CERK: variants seen among roughly 807,000 people sequenced by gnomAD.
The protein encoded by CERK is acylsphingosine kinase.
A neutral mutation model predicts 63.4 loss-of-function variants in CERK; 39 were observed. The ratio of observed to expected loss-of-function variants is 0.61; its 90% CI spans 0.48 to 0.80. The LOEUF (loss-of-function observed/expected upper bound fraction) is 0.80. Among genes scored for constraint, CERK ranks in the 30% least tolerant of loss-of-function variants. The probability of loss-of-function intolerance (pLI) is 0.00; values close to 1 mark genes in which losing one functional copy is unlikely to be tolerated. For missense variants in CERK, 670 were observed against 714.1 expected, an observed-to-expected ratio of 0.94 and a Z score of 0.70; for synonymous variants, 302 against 280.0, an observed-to-expected ratio of 1.08 and a Z score of -0.78.
chr22:46,712,512 T>C (rs2082846529), intron 3 of CERK, among the ~76,000 whole-genome samples: 1 of 152,170 alleles, frequency 6.6e-6, no homozygotes, highest in Admixed American at 6.5e-5. Context: ...TATACACACA[T>C]GTCGGACATC....
intron 6 of CERK, among the ~76,000 whole-genome samples, chr22:46,704,941 A>T (rs2082805937): frequency 6.6e-6 from 1 of 152,238 alleles, no homozygotes; most frequent in Non-Finnish European, 1.5e-5. Flanking sequence ...AGGACCTGTG[A>T]AAAGCAGTGT....
rs1344810424 is a variant in CERK, at chr22:46,690,126, G to C, written c.1407C>G (p.Asp469Glu). Residue 469 changes from aspartate (D) to glutamate (E), a missense_variant, in exon 12 of 13, where the codon GAC becomes GAG. By Grantham distance (45) the Asp-to-Glu change is conservative. Transcript: ENST00000216264. ...QFTSKHMEDE[D>E]SDLKEGGKKR... ...TCTTCCCCCCCTCCTTGAGGTCGCT[G>C]TCCTCATCCTCCATGTGCTTCGACG... 1 of 1,613,950 alleles carries C rather than the reference G, an allele frequency of 6.2e-7. No individual in the cohort carries two copies. The highest frequency in any genetic ancestry group is 1.3e-5 in the African/African-American group (1 of 74,888).
rs1305100396 is a variant in CERK at position 46,686,441 on chromosome 22, TATC to T, written c.*690_*692del. 2.0e-5 allele frequency: 3 copies of T among 152,390 alleles called. No homozygotes were observed. The highest frequency in any genetic ancestry group is 2.9e-5 in the Non-Finnish European group (2 of 68,186). 9.4% of individuals were successfully genotyped at this position (152,390 alleles called of 1,614,324 possible). A position where few individuals can be genotyped will look rare whatever the true frequency, so the allele number is the denominator to read the frequency against. ...TTACACACTGCCAGCTTCCAGAGCT[TATC>T]ATCCGTGCTCCCAGAACAGACGCCA... On this transcript the variant is annotated 3_prime_UTR_variant, in exon 13 of 13. Transcript: ENST00000216264.
rs1322880371 is a variant in CERK at position 46,720,066 on chromosome 22, C to T, written c.379+20G>A. The stretch of plus-strand genomic sequence containing the variant: ...ATGCCACCACGGCCATCCTGTCTCT[C>T]AGTCCAAACACACACGTACTCAGCT... On this transcript the variant is annotated intron_variant, in intron 3 of 12. Transcript: ENST00000216264. 1 of 1,608,990 alleles carries T rather than the reference C, an allele frequency of 6.2e-7. No individual in the cohort carries two copies. Among genetic ancestry groups the T allele is most frequent in the Non-Finnish European group, 8.5e-7 (1 of 1,177,090 alleles).
At chr22:46,710,060 T>A (rs1377834492) in intron 5 of CERK, among the ~76,000 whole-genome samples, 1 of 152,198 alleles carries the variant, frequency 6.6e-6, no homozygotes, top group Non-Finnish European at 1.5e-5. Context: ...CTTTCACATG[T>A]CAAATTAGCA....
In CERK at chr22:46,695,351, A is replaced by G. The variant is rs1218108889; in HGVS notation, c.944-36T>C. Reference sequence around the variant, plus strand: ...AGTGCAGTGAAGAAAAAACATCCACAAGGGTCATTGCTTGGTTAGGATGCT... The same window carrying G: ...AGTGCAGTGAAGAAAAAACATCCACGAGGGTCATTGCTTGGTTAGGATGCT... On this transcript the variant is annotated intron_variant, in intron 8 of 12. Transcript: ENST00000216264. 3 of 1,185,454 alleles carry G rather than the reference A, an allele frequency of 2.5e-6. No homozygotes were observed. The Admixed American group carries it at 5.0e-5, about 20-fold the overall frequency. 73.4% of individuals were successfully genotyped at this position (1,185,454 alleles called of 1,614,324 possible). A position where few individuals can be genotyped will look rare whatever the true frequency, so the allele number is the denominator to read the frequency against.
intron 1 of CERK, among the ~76,000 whole-genome samples, chr22:46,734,145 C>T (rs2082960509): frequency 6.6e-6 from 1 of 151,556 alleles, no homozygotes; most frequent in Non-Finnish European, 1.5e-5. Flanking sequence ...GGAGCAAAAG[C>T]ATAGCCCCTA....
Position 46,738,067 on chromosome 22 carries a change from CG to C in CERK, c.81del (p.Ala28ArgfsTer62). ...KQQRCAVSLE[P>X]ARALLRWWRS... ...CGCCACCAGCGCAGCAGAGCCCGCG[CG>C]GGCTCCAGGCTCACGGCGCAGCGCT... On this transcript the variant is annotated frameshift_variant, in exon 1 of 13. Transcript: ENST00000216264. LOFTEE classifies it high-confidence loss of function. The C allele has an allele frequency of 7.9e-7, 1 of 1,260,364 alleles. No homozygotes were observed. The highest frequency in any genetic ancestry group is 1.0e-6 in the Non-Finnish European group (1 of 998,388). The allele number at this position is 1,260,364 out of a possible 1,614,324, so 78.1% of individuals were successfully genotyped here. A position where few individuals can be genotyped will look rare whatever the true frequency, so the allele number is the denominator to read the frequency against.
In CERK at chr22:46,738,184, C is replaced by A. The variant is rs1212569713; in HGVS notation, c.-36G>T. The A allele has an allele frequency of 8.0e-6, 9 of 1,118,390 alleles. No individual in the cohort carries two copies. Among genetic ancestry groups the A allele is most frequent in the Non-Finnish European group, 9.8e-6 (9 of 916,454 alleles). The allele number at this position is 1,118,390 out of a possible 1,614,324, so 69.3% of individuals were successfully genotyped here. A position where few individuals can be genotyped will look rare whatever the true frequency, so the allele number is the denominator to read the frequency against. On this transcript the variant is annotated 5_prime_UTR_variant, in exon 1 of 13. Coordinates refer to ENST00000216264, the MANE Select transcript of CERK (RefSeq NM_022766.6). The stretch of plus-strand genomic sequence containing the variant: ...GGGCTCGTCCGCCAGGCTGGGGGCG[C>A]GCGGACGCCGAGGGGCGCCGGACCG...
intron 7 of CERK, among the ~76,000 whole-genome samples, chr22:46,700,514 C>T (rs564091832): frequency 6.6e-6 from 1 of 152,258 alleles, no homozygotes; most frequent in South Asian, 2.1e-4. Context: ...TCACTTGAGC[C>T]CAGGAGTTTG....
chr22:46,695,420 A>C, intron 8 of CERK, 105 bp from the exon 9 acceptor site: 2 of 768,766 alleles, frequency 2.6e-6, no homozygotes, highest in Admixed American at 1.9e-5. Flanking sequence ...GCATCTGCCT[A>C]AACCGTCTGC....
In CERK at chr22:46,695,246, A is replaced by C. The variant is rs36211081; in HGVS notation, c.1013T>G (p.Val338Gly). 4,257 of 1,610,772 alleles carry C rather than the reference A, an allele frequency of 2.6e-3. 13 individuals are homozygous for C. Among genetic ancestry groups the C allele is most frequent in the South Asian group, 3.6e-3 (330 of 90,964 alleles). The change falls in exon 9 of 13, where the codon GTG becomes GGG. Residue 338 changes from valine (V) to glycine (G), a missense_variant. Transcript: ENST00000216264. ...TVSFLPAQHTVGSPRDRKPCR... is the reference protein window; with the variant it reads ...TVSFLPAQHTGGSPRDRKPCR... ...GGGCTTCCTATCCCTTGGAGATCCC[A>C]CCGTGTGTTGTGCAGGGAGGAAGGA...
intron 12 of CERK, among the ~76,000 whole-genome samples, chr22:46,689,334 G>C (rs1473060882): frequency 6.6e-6 from 1 of 152,240 alleles, no homozygotes; most frequent in African/African-American, 2.4e-5. Context: ...GGATTCAGTG[G>C]ACAAAGGACT....
chr22:46,698,879 T>C (rs1398610799), intron 8 of CERK, among the ~76,000 whole-genome samples: 1 of 152,142 alleles, frequency 6.6e-6, no homozygotes, highest in Non-Finnish European at 1.5e-5. Context: ...CCAGCCTGAG[T>C]GACGGAGGAA....
At chr22:46,705,843 G>A (rs562961526) in intron 6 of CERK, among the ~76,000 whole-genome samples, 4 of 152,140 alleles carry the variant, frequency 2.6e-5, no homozygotes, top group Middle Eastern at 3.4e-3. Context: ...GACCAGCCTG[G>A]GCAACATGGT....
chr22:46,707,729 T>A, intron 6 of CERK, 114 bp downstream of exon 6: 1 of 1,215,466 alleles, frequency 8.2e-7, no homozygotes, highest in Non-Finnish European at 1.2e-6. Context: ...AGGAAATCTG[T>A]ACGAACTAAA....
At chr22:46,697,088 G>T (rs906095235) in intron 8 of CERK, among the ~76,000 whole-genome samples, 3 of 152,168 alleles carry the variant, frequency 2.0e-5, no homozygotes, top group African/African-American at 7.2e-5. Context: ...TAATTTTCAA[G>T]CCACACTAGT....
intron 1 of CERK, among the ~76,000 whole-genome samples, chr22:46,731,501 T>C (rs1236078741): frequency 6.6e-6 from 1 of 152,222 alleles, no homozygotes; most frequent in East Asian, 1.9e-4. Context: ...CGTTCCCTGC[T>C]GGAGCAGTGC....
chr22:46,711,291 C>T (rs1355204245), intron 4 of CERK, 142 bp from the exon 5 acceptor site: 16 of 666,258 alleles, frequency 2.4e-5, no homozygotes, highest in Middle Eastern at 3.4e-4. Flanking sequence ...TTCAATTCTA[C>T]ATCGCTCTTA....
Sources: allele counts gnomAD v4.1 joint callset (sites outside exome capture counted in the v4.1 genomes callset), GRCh38; gene constraint gnomAD v4.1.1; transcripts MANE v1.5; gene names NCBI Gene and HGNC (gene_info 2026-07-23, HGNC 2026-07-21).